FANCL: variants seen among roughly 807,000 people sequenced by gnomAD.
FANCL encodes the protein E3 ubiquitin-protein ligase FANCL.
FANCL carries 69 observed loss-of-function variants against 59.4 expected under a neutral mutation model. The observed-to-expected ratio is 1.16, with a 90% CI of 0.96 to 1.42. The LOEUF is 1.42. FANCL is among the 40% of genes most tolerant of loss of function. The pLI is 0.00. For missense variants in FANCL, 519 were observed against 447.2 expected, an observed-to-expected ratio of 1.16 and a Z score of -1.45; for synonymous variants, 180 against 147.1, an observed-to-expected ratio of 1.22 and a Z score of -1.62.
Position 58,231,046 on chromosome 2 carries a change from T to A in FANCL, c.155+1008A>T, listed in dbSNP as rs536154860. Reference sequence around the variant, plus strand: ...ATCTCTTTGTAATCCTCAGCATTGCTAACCATGCCTTGCTTAAGCCTCTCT... The same window carrying A: ...ATCTCTTTGTAATCCTCAGCATTGCAAACCATGCCTTGCTTAAGCCTCTCT... On this transcript the variant is annotated intron_variant, in intron 2 of 13. Coordinates refer to ENST00000233741, the MANE Select transcript of FANCL (RefSeq NM_018062.4). Among the ~76,000 whole-genome samples the A allele has an allele frequency of 7.9e-5, 12 of 152,350 alleles. No individual in the cohort carries two copies. The East Asian group carries it at 2.3e-3, about 29-fold the overall frequency.
At chr2:58,207,476 C>G (rs1294458204) in intron 5 of FANCL, among the ~76,000 whole-genome samples, 3 of 152,132 alleles carry the variant, frequency 2.0e-5, no homozygotes, top group Non-Finnish European at 4.4e-5. Flanking sequence ...CAAAAGAAAC[C>G]TGGATTCTTG....
rs1407675765 is a variant in FANCL, at chr2:58,161,627, C to T, written c.915G>A (p.Met305Ile). The T allele has an allele frequency of 2.5e-6, 4 of 1,608,184 alleles. No individual in the cohort carries two copies. The South Asian group carries it at 3.3e-5, about 13-fold the overall frequency. Residue 305 changes from methionine to isoleucine, a missense_variant, in exon 12 of 14, where the codon ATG (methionine) becomes ATA (isoleucine). Transcript: ENST00000233741. ...GATAAGCATAACAAATTCCACAATC[C>T]ATAGTAAAATCCTTCAAAAGAAAAA... ...RAILEKSDFT[M>I]DCGICYAYQL...
At chr2:58,194,535 T>C (rs1468931892) in intron 7 of FANCL, among the ~76,000 whole-genome samples, 1 of 152,148 alleles carries the variant, frequency 6.6e-6, no homozygotes, top group Admixed American at 6.6e-5. Context: ...AAGAGGTGCT[T>C]AGACACTTGT....
chr2:58,200,756 A>G (rs1414558489), intron 6 of FANCL, among the ~76,000 whole-genome samples: 1 of 151,964 alleles, frequency 6.6e-6, no homozygotes, highest in Non-Finnish European at 1.5e-5. Flanking sequence ...TAAACAAAAA[A>G]GCAAGTTAGA....
At chr2:58,168,665 AC>A (rs1200922034) in intron 7 of FANCL, among the ~76,000 whole-genome samples, 1 of 151,988 alleles carries the variant, frequency 6.6e-6, no homozygotes, top group Non-Finnish European at 1.5e-5. Flanking sequence ...AGTGGATCCC[AC>A]CCCAAGAAGC....
At chr2:58,233,489 A>C (rs1693757888) in intron 1 of FANCL, among the ~76,000 whole-genome samples, 7 of 152,180 alleles carry the variant, frequency 4.6e-5, no homozygotes, top group Admixed American at 3.9e-4. Context: ...CTAAACCTCC[A>C]TCTCCCCACA....
At chr2:58,226,656 T>C (rs1320771093) in intron 4 of FANCL, 72 bp downstream of exon 4, 1 of 1,098,996 alleles carries the variant, frequency 9.1e-7, no homozygotes, top group African/African-American at 1.6e-5. Flanking sequence ...ATGTCAGTTT[T>C]TAAAGGAGTT....
At chr2:58,217,618 A>G (rs1691982738) in intron 5 of FANCL, among the ~76,000 whole-genome samples, 1 of 152,018 alleles carries the variant, frequency 6.6e-6, no homozygotes, top group African/African-American at 2.4e-5. Context: ...TCCTAATAAC[A>G]AAAGGGAAAA....
chr2:58,236,856 T>C (rs1694070625), intron 1 of FANCL, among the ~76,000 whole-genome samples: 1 of 152,152 alleles, frequency 6.6e-6, no homozygotes, highest in Admixed American at 6.5e-5. Context: ...ACATTATTAC[T>C]AAAGATAAAA....
rs759745363 is a variant in FANCL, at chr2:58,241,319, G to A, written c.-6C>T. The A allele has an allele frequency of 3.7e-6, 6 of 1,613,820 alleles. No homozygotes were observed. The East Asian group carries it at 1.3e-4, about 36-fold the overall frequency. On this transcript the variant is annotated 5_prime_UTR_variant, in exon 1 of 14. Transcript: ENST00000233741. ...CTCGCTTCCGTCACCGCCATGGCTC[G>A]AAGTCCGGAGAAACACAGAAAAGCT...
At chr2:58,167,510 T>C (rs1686077143) in intron 7 of FANCL, among the ~76,000 whole-genome samples, 1 of 152,228 alleles carries the variant, frequency 6.6e-6, no homozygotes, top group South Asian at 2.1e-4. Context: ...AAAAAAGAGT[T>C]ATAAAATATT....
At chr2:58,204,824 T>C (rs937163143) in intron 5 of FANCL, among the ~76,000 whole-genome samples, 1 of 152,122 alleles carries the variant, frequency 6.6e-6, no homozygotes, top group Admixed American at 6.6e-5. Flanking sequence ...TATGCATGTA[T>C]TCAAGATGAC....
chr2:58,163,183 A>G (rs1685461033), intron 9 of FANCL, 109 bp from the exon 10 acceptor site: 2 of 1,004,912 alleles, frequency 2.0e-6, no homozygotes, highest in East Asian at 2.6e-5. Context: ...AATCAAAATT[A>G]TATGTATTAT....
chr2:58,239,784 T>TACTTA, intron 1 of FANCL, among the ~76,000 whole-genome samples: 1 of 152,332 alleles, frequency 6.6e-6, no homozygotes, highest in South Asian at 2.1e-4. Context: ...CACATACATA[T>TACTTA]ACTTAACAAT....
chr2:58,230,905 T>C (rs1264908863), intron 2 of FANCL, among the ~76,000 whole-genome samples: 1 of 152,352 alleles, frequency 6.6e-6, no homozygotes, highest in East Asian at 1.9e-4. Flanking sequence ...AACTCCTTCT[T>C]GAATGCATAC....
intron 1 of FANCL, among the ~76,000 whole-genome samples, chr2:58,232,775 T>G (rs997706811): frequency 6.6e-6 from 1 of 152,062 alleles, no homozygotes; most frequent in Non-Finnish European, 1.5e-5. Context: ...CCATTTTACT[T>G]TCTTGGAAAA....
At position 58,205,473 on chromosome 2, in the gene FANCL, G is replaced by A. The variant is rs531365056; in HGVS notation, c.375-1247C>T. ...AAAAAAATTAGAATGTCTTTATCAC[G>A]TTTTACCATATGACTCTGAAGTTCA... On this transcript the variant is annotated intron_variant, in intron 5 of 13. Coordinates refer to ENST00000233741, the MANE Select transcript of FANCL (RefSeq NM_018062.4). Among the ~76,000 whole-genome samples, 8 of 151,942 alleles carry A rather than the reference G, an allele frequency of 5.3e-5. No homozygotes were observed. In the East Asian group the frequency reaches 1.2e-3, roughly 22 times the overall value.
chr2:58,233,231 C>T (rs751221353), intron 1 of FANCL, among the ~76,000 whole-genome samples: 2 of 135,930 alleles, frequency 1.5e-5, no homozygotes, highest in African/African-American at 3.4e-5. Context: ...TTAATTTACA[C>T]GAAAAATAGA....
At chr2:58,209,081 A>C (rs1036963685) in intron 5 of FANCL, among the ~76,000 whole-genome samples, 2 of 152,210 alleles carry the variant, frequency 1.3e-5, no homozygotes, top group African/African-American at 4.8e-5. Flanking sequence ...ATCTCCTCTA[A>C]GAACTCTCCT....
Sources: allele counts gnomAD v4.1 joint callset (sites outside exome capture counted in the v4.1 genomes callset), GRCh38; gene constraint gnomAD v4.1.1; transcripts MANE v1.5; gene names NCBI Gene and HGNC (gene_info 2026-07-23, HGNC 2026-07-21).